RASGRP3: variants seen among roughly 807,000 people sequenced by gnomAD.
The protein encoded by RASGRP3 is RAS guanyl releasing protein 3.
In RASGRP3, 54 loss-of-function variants were observed where a neutral mutation model predicts 82.7. The ratio of observed to expected loss-of-function variants is 0.65; its 90% confidence interval spans 0.52 to 0.82. The LOEUF (loss-of-function observed/expected upper bound fraction) is 0.82, where lower values mean the gene tolerates loss of function less well. Ranked by LOEUF, RASGRP3 falls within the 40% of genes least tolerant of loss-of-function variation. The probability of loss-of-function intolerance (pLI) is 0.00; values close to 1 mark genes in which losing one functional copy is unlikely to be tolerated. For missense variants in RASGRP3, 861 were observed against 828.9 expected, an observed-to-expected ratio of 1.04 and a Z score of -0.48; for synonymous variants, 309 against 300.5, an observed-to-expected ratio of 1.03 and a Z score of -0.29.
At chr2:33,514,916 A>G (rs997286112) in intron 2 of RASGRP3, 94 bp from the exon 3 acceptor site, 4 of 561,564 alleles carry the variant, frequency 7.1e-6, no homozygotes, top group Admixed American at 3.1e-5. Flanking sequence ...GATACAGTCT[A>G]TGGAAGTCAT....
At chr2:33,463,394 T>C (rs115158471) in intron 2 of RASGRP3, among the ~76,000 whole-genome samples, 217 of 151,840 alleles carry the variant, frequency 1.4e-3, no homozygotes, top group African/African-American at 4.9e-3. Flanking sequence ...TGAAGTTTAA[T>C]AAAAAGAAAG....
intron 1 of RASGRP3, among the ~76,000 whole-genome samples, chr2:33,497,520 C>A (rs957071052): frequency 1.3e-5 from 2 of 152,140 alleles, no homozygotes; most frequent in African/African-American, 4.8e-5. Context: ...ATATCCACTC[C>A]CCCAAATTGT....
intron 1 of RASGRP3, among the ~76,000 whole-genome samples, chr2:33,445,238 G>T (rs1442302922): frequency 6.6e-6 from 1 of 152,192 alleles, no homozygotes; most frequent in Non-Finnish European, 1.5e-5. Flanking sequence ...AAAATCAGAA[G>T]ACACTGTAGG....
At chr2:33,547,827 AG>A (rs1227628874) in intron 13 of RASGRP3, among the ~76,000 whole-genome samples, 1 of 152,036 alleles carries the variant, frequency 6.6e-6, no homozygotes, top group East Asian at 1.9e-4. Context: ...GAGCTGGAGA[AG>A]GGGGAGCTGG....
intron 1 of RASGRP3, among the ~76,000 whole-genome samples, chr2:33,437,665 C>G (rs1430399439): frequency 6.6e-6 from 1 of 152,234 alleles, no homozygotes. Context: ...GAGGCCAGGA[C>G]TCGGCTCAGG....
intron 1 of RASGRP3, among the ~76,000 whole-genome samples, chr2:33,501,315 C>T (rs1030325472): frequency 5.3e-5 from 8 of 152,060 alleles, no homozygotes; most frequent in African/African-American, 1.9e-4. Context: ...TTTTGTTTAT[C>T]CATTTGTCGA....
rs1408198206 is a variant in RASGRP3 at position 33,502,059 on chromosome 2, G to T, written c.-260-9651G>T. On this transcript the variant is annotated intron_variant, in intron 1 of 17. Coordinates refer to ENST00000403687, the MANE Select transcript of RASGRP3 (RefSeq NM_001139488.2). The stretch of plus-strand genomic sequence containing the variant: ...CTGAAGAGAGGATCAAATAGAACCA[G>T]CAAATTCTACTTGGCTGTGAGGGAT... Among the ~76,000 whole-genome samples, 6 of 152,286 alleles carry T rather than the reference G, an allele frequency of 3.9e-5. No homozygotes were observed. The East Asian group carries it at 9.7e-4, about 25-fold the overall frequency.
At chr2:33,548,290 G>A (rs1675007193) in intron 13 of RASGRP3, among the ~76,000 whole-genome samples, 1 of 149,308 alleles carries the variant, frequency 6.7e-6, no homozygotes, top group East Asian at 2.0e-4. Flanking sequence ...GAACCTGGGA[G>A]GCGGAGCTTG....
At chr2:33,488,101 T>TACTCGATTATTTATGAA (rs1668546978) in intron 1 of RASGRP3, among the ~76,000 whole-genome samples, 1 of 152,254 alleles carries the variant, frequency 6.6e-6, no homozygotes, top group South Asian at 2.1e-4. Flanking sequence ...GGCTGATTCT[T>TACTCGATTATTTATGAA]ACTCGATTAT....
rs1558535097 is a variant in RASGRP3, at chr2:33,562,720, G to GTGTT, written c.2065-7_2065-4dup. 3 of 1,613,494 alleles carry GTGTT rather than the reference G, an allele frequency of 1.9e-6. No individual in the cohort carries two copies. The Admixed American group carries it at 5.0e-5, about 27-fold the overall frequency. ...CCAGCCATGCAATAGGTTCCAATTT[G>GTGTT]TGTTTCAGGATGGCTGACTTCAGGC... On this transcript the variant is annotated splice_polypyrimidine_tract_variant and intron_variant, in intron 17 of 17. Transcript: ENST00000403687.
intron 6 of RASGRP3, 29 bp downstream of exon 6, chr2:33,520,713 C>T: frequency 6.2e-7 from 1 of 1,611,726 alleles, no homozygotes; most frequent in Non-Finnish European, 8.5e-7. Context: ...TCTTTCACAC[C>T]CAATAAGTCC....
At position 33,510,380 on chromosome 2, in the gene RASGRP3, A is replaced by G. The variant is rs565742916; in HGVS notation, c.-260-1330A>G. 2.6e-5 allele frequency among the ~76,000 whole-genome samples: 4 copies of G among 152,342 alleles called. No individual in the cohort carries two copies. In the South Asian group the frequency reaches 8.3e-4, roughly 32 times the overall value. Reference sequence around the variant, plus strand: ...GAAAGCTTCCCTGTCATTTTGGCATACTTCCTAGATACCGTCTGGGAATTT... The same window carrying G: ...GAAAGCTTCCCTGTCATTTTGGCATGCTTCCTAGATACCGTCTGGGAATTT... On this transcript the variant is annotated intron_variant, in intron 1 of 17. Transcript: ENST00000403687.
At chr2:33,438,008 C>G (rs187774961) in intron 1 of RASGRP3, among the ~76,000 whole-genome samples, 1 of 152,344 alleles carries the variant, frequency 6.6e-6, no homozygotes, top group East Asian at 1.9e-4. Context: ...TGCCACGCCA[C>G]ATGGCTCTAA....
chr2:33,454,143 A>G (rs1251230862), intron 2 of RASGRP3, among the ~76,000 whole-genome samples: 1 of 151,930 alleles, frequency 6.6e-6, no homozygotes, highest in Non-Finnish European at 1.5e-5. Flanking sequence ...TTCAAGATCA[A>G]GGTGTCAGCA....
At chr2:33,492,596 A>G (rs1053856164) in intron 1 of RASGRP3, among the ~76,000 whole-genome samples, 1 of 152,196 alleles carries the variant, frequency 6.6e-6, no homozygotes, top group African/African-American at 2.4e-5. Flanking sequence ...TGGTGTCCTT[A>G]TAAGAGGAAG....
At chr2:33,511,009 C>T (rs76166717) in intron 1 of RASGRP3, among the ~76,000 whole-genome samples, 15 of 152,128 alleles carry the variant, frequency 9.9e-5, no homozygotes, top group Non-Finnish European at 1.9e-4. Context: ...TGTTAATGAA[C>T]GTCCTTTTGC....
intron 13 of RASGRP3, among the ~76,000 whole-genome samples, chr2:33,546,514 C>T (rs1472484322): frequency 6.6e-6 from 1 of 151,762 alleles, no homozygotes; most frequent in Non-Finnish European, 1.5e-5. Flanking sequence ...GAGTATAATT[C>T]ATTCAACCAT....
intron 1 of RASGRP3, among the ~76,000 whole-genome samples, chr2:33,507,688 G>T (rs1041826547): frequency 1.1e-4 from 16 of 152,138 alleles, no homozygotes; most frequent in African/African-American, 3.6e-4. Flanking sequence ...ACCACGCCTG[G>T]CTACTTCTTG....
chr2:33,558,407 G>T (rs551795355), intron 16 of RASGRP3, 71 bp downstream of exon 16: 1,107 of 1,606,702 alleles, frequency 6.9e-4, no homozygotes, highest in Non-Finnish European at 9.0e-4. Context: ...ACCTCATTTA[G>T]GTTCTGGGTC....
Sources: allele counts gnomAD v4.1 joint callset (sites outside exome capture counted in the v4.1 genomes callset), GRCh38; gene constraint gnomAD v4.1.1; transcripts MANE v1.5; gene names NCBI Gene and HGNC (gene_info 2026-07-23, HGNC 2026-07-21).